The following KATNAL2 variants were observed in gnomAD, a reference collection of about 807,000 sequenced individuals.
The protein encoded by KATNAL2 is katanin p60 ATPase-containing subunit A-like 2.
Under a neutral mutation model 76.3 loss-of-function variants are expected in KATNAL2, and 52 were observed. The ratio of observed to expected loss-of-function variants is 0.68; its 90% confidence interval spans 0.55 to 0.86. The LOEUF (loss-of-function observed/expected upper bound fraction) is 0.86. KATNAL2 is among the 40% of genes least tolerant of loss of function. KATNAL2 has a pLI of 0.00. For synonymous variants in KATNAL2, 243 were observed against 244.2 expected (o/e 1.00, Z 0.05); for missense variants, 660 against 668.9 (o/e 0.99, Z 0.15).
intron 4 of KATNAL2, among the ~76,000 whole-genome samples, chr18:47,047,230 T>C (rs1011896148): frequency 5.9e-5 from 9 of 152,194 alleles, no homozygotes; most frequent in East Asian, 1.9e-4. Context: ...TTCAGACTTA[T>C]GCTTTTATTG....
chr18:47,083,734 A>T (rs2147304813), intron 15 of KATNAL2, among the ~76,000 whole-genome samples: 1 of 152,354 alleles, frequency 6.6e-6, no homozygotes, highest in Non-Finnish European at 1.5e-5. Flanking sequence ...CATGTAAGAA[A>T]TTTAGTAAAC....
chr18:46,958,817 A>C (rs115309938), intron 3 of KATNAL2, among the ~76,000 whole-genome samples: 1 of 152,318 alleles, frequency 6.6e-6, no homozygotes, highest in African/African-American at 2.4e-5. Context: ...TCAATGCACG[A>C]TAATGGTTTT....
chr18:47,055,249 G>A (rs187672485), intron 6 of KATNAL2, among the ~76,000 whole-genome samples: 8 of 152,270 alleles, frequency 5.3e-5, no homozygotes, highest in Admixed American at 5.2e-4. Context: ...GCAACCTGTG[G>A]GCTGTTGCTA....
At chr18:47,077,517 A>G in intron 15 of KATNAL2, 56 bp downstream of exon 15, 1 of 1,320,028 alleles carries the variant, frequency 7.6e-7, no homozygotes, top group Non-Finnish European at 1.1e-6. Flanking sequence ...CTAAGTGCAA[A>G]TAAAAATTTT....
At chr18:46,956,483 A>G (rs967880753) in intron 3 of KATNAL2, among the ~76,000 whole-genome samples, 3 of 152,066 alleles carry the variant, frequency 2.0e-5, no homozygotes, top group Admixed American at 6.6e-5. Context: ...TAGGATCTAA[A>G]TTTGTCTTTT....
chr18:46,954,647 G>T lies in KATNAL2; in HGVS notation c.51+7724G>T, dbSNP rs560094048. On this transcript the variant is annotated intron_variant, in intron 3 of 17. Coordinates refer to ENST00000683218, the MANE Select transcript of KATNAL2 (RefSeq NM_001387690.1). ...CCTGGCATCTTCTTTTGTTTTTTGG[G>T]TTTTTTTGAGACAAAAGAAGTCTGA... Among the ~76,000 whole-genome samples, 14 of 150,760 alleles carry T rather than the reference G, an allele frequency of 9.3e-5. No homozygotes were observed. The East Asian group carries it at 2.6e-3, about 28-fold the overall frequency.
intron 3 of KATNAL2, among the ~76,000 whole-genome samples, chr18:46,952,720 G>A (rs2059602103): frequency 6.6e-6 from 1 of 151,032 alleles, no homozygotes; most frequent in Admixed American, 6.6e-5. Flanking sequence ...TTTATTGATG[G>A]TTGAATGTTC....
At chr18:46,955,183 T>TTTCG (rs1477692403) in intron 3 of KATNAL2, among the ~76,000 whole-genome samples, 1 of 147,476 alleles carries the variant, frequency 6.8e-6, no homozygotes, top group Non-Finnish European at 1.5e-5. Context: ...TCTTTCTTTC[T>TTTCG]TTCCTCTCTC....
intron 15 of KATNAL2, among the ~76,000 whole-genome samples, chr18:47,082,632 C>G (rs1003431781): frequency 6.6e-6 from 1 of 152,170 alleles, no homozygotes; most frequent in African/African-American, 2.4e-5. Context: ...CCCTTTATAG[C>G]TGCGCAGGGC....
chr18:46,923,520 T>C (rs1239534198), intron 1 of KATNAL2, among the ~76,000 whole-genome samples: 1 of 151,348 alleles, frequency 6.6e-6, no homozygotes, highest in Non-Finnish European at 1.5e-5. Flanking sequence ...GAATAGTGCC[T>C]CTGTAAACAT....
At chr18:46,958,996 A>G (rs756596187) in intron 3 of KATNAL2, among the ~76,000 whole-genome samples, 1 of 152,254 alleles carries the variant, frequency 6.6e-6, no homozygotes, top group Non-Finnish European at 1.5e-5. Context: ...GCTAATTAAT[A>G]AGGTCATTGA....
chr18:47,051,026 T>A (rs2061325701), intron 4 of KATNAL2, among the ~76,000 whole-genome samples: 1 of 152,208 alleles, frequency 6.6e-6, no homozygotes, highest in African/African-American at 2.4e-5. Flanking sequence ...GTCCTCCATA[T>A]CCATCTTCTC....
At chr18:47,084,704 C>T (rs1424168587) in intron 15 of KATNAL2, among the ~76,000 whole-genome samples, 1 of 151,688 alleles carries the variant, frequency 6.6e-6, no homozygotes, top group South Asian at 2.1e-4. Context: ...CAAAAATTAC[C>T]CAGGCGTTGT....
At chr18:47,067,442 C>A (rs1234222369) in intron 11 of KATNAL2, among the ~76,000 whole-genome samples, 1 of 152,100 alleles carries the variant, frequency 6.6e-6, no homozygotes, top group African/African-American at 2.4e-5. Flanking sequence ...TGTAGAAATA[C>A]CTCTGGTAGG....
chr18:47,078,604 G>A lies in KATNAL2; in HGVS notation c.1211+1143G>A, dbSNP rs556237968. Among the ~76,000 whole-genome samples the A allele has an allele frequency of 2.0e-5, 3 of 152,244 alleles. No individual in the cohort carries two copies. The East Asian group carries it at 5.8e-4, about 29-fold the overall frequency. ...ACAAGGTTGATCATAACCACTGGGG[G>A]TGAATATTAGAGTCAGCTAGGGAGG... On this transcript the variant is annotated intron_variant, in intron 15 of 17. Transcript: ENST00000683218.
chr18:47,043,772 T>C (rs1023153600), intron 3 of KATNAL2, among the ~76,000 whole-genome samples: 1 of 151,408 alleles, frequency 6.6e-6, no homozygotes, highest in Non-Finnish European at 1.5e-5. Context: ...TTATTAACAA[T>C]ACGTATGTTG....
intron 3 of KATNAL2, among the ~76,000 whole-genome samples, chr18:46,949,806 T>C (rs982660781): frequency 6.6e-5 from 10 of 152,210 alleles, no homozygotes; most frequent in African/African-American, 2.4e-4. Context: ...GATCTAAACC[T>C]CCATGCCCTG....
At position 47,034,067 on chromosome 18, in the gene KATNAL2, C is replaced by T. The variant is rs769576796; in HGVS notation, c.52-12390C>T. 4 of 1,614,078 alleles carry T rather than the reference C, an allele frequency of 2.5e-6. No individual in the cohort carries two copies. The African/African-American group carries it at 5.3e-5, about 22-fold the overall frequency. On this transcript the variant is annotated intron_variant, in intron 3 of 17. Transcript: ENST00000683218. ...CCAAGTGCAGTGGTGGCAGATTTTC[C>T]AGTCTTTTTCTTTTGCTTCCGCAAC...
intron 3 of KATNAL2, chr18:47,032,956 C>T: frequency 6.2e-7 from 1 of 1,613,114 alleles, no homozygotes; most frequent in East Asian, 2.2e-5. Context: ...TTGACTTTGC[C>T]AATGCAAAAA....
Sources: allele counts gnomAD v4.1 joint callset (sites outside exome capture counted in the v4.1 genomes callset), GRCh38; gene constraint gnomAD v4.1.1; transcripts MANE v1.5; gene names NCBI Gene and HGNC (gene_info 2026-07-23, HGNC 2026-07-21).